Variants in AJAP1 observed in about 807,000 individuals in gnomAD.
AJAP1 encodes adherens junctions associated protein 1.
AJAP1 carries 5 observed loss-of-function variants against 35.0 expected under a neutral mutation model. That is an observed-to-expected ratio of 0.14 (90% CI 0.07 to 0.30). AJAP1 has a LOEUF of 0.30. Among genes scored for constraint, AJAP1 ranks in the 10% least tolerant of loss-of-function variants. AJAP1 has a pLI of 1.00. For missense variants in AJAP1, 586 were observed against 571.0 expected, an observed-to-expected ratio of 1.03 and a Z score of -0.27; for synonymous variants, 284 against 249.3, an observed-to-expected ratio of 1.14 and a Z score of -1.31.
chr1:4,743,071 C>G (rs144262919), intron 2 of AJAP1, among the ~76,000 whole-genome samples: 2 of 152,348 alleles, frequency 1.3e-5, no homozygotes, highest in African/African-American at 4.8e-5. Context: ...TGGGGAATGA[C>G]TTGGGGATCC....
rs772469710 is a variant in AJAP1 at position 4,655,393 on chromosome 1, C to T, written c.-33C>T. ...CGCCGCGCAGATGGCCTGGGCGAGC[C>T]AGGTCTGAGGCCCCGCTCCCCGAAA... On this transcript the variant is annotated 5_prime_UTR_variant, in exon 1 of 6. An upstream open reading frame in the 5' UTR gains an earlier in-frame stop. Coordinates refer to ENST00000378191, the MANE Select transcript of AJAP1 (RefSeq NM_018836.4). The surrounding 1 kb of genome is among the most constrained non-coding windows in gnomAD (Gnocchi z 6.9). 2 of 1,545,684 alleles carry T rather than the reference C, an allele frequency of 1.3e-6. No homozygotes were observed. The highest frequency in any genetic ancestry group is 2.3e-5 in the South Asian group (2 of 85,478).
intron 1 of AJAP1, among the ~76,000 whole-genome samples, chr1:4,694,962 G>A (rs1639824747): frequency 6.6e-6 from 1 of 152,192 alleles, no homozygotes; most frequent in Non-Finnish European, 1.5e-5. Flanking sequence ...GTCGGAGAAG[G>A]CCAGGAGTCA....
intron 2 of AJAP1, among the ~76,000 whole-genome samples, chr1:4,761,695 C>T (rs1309618111): frequency 6.6e-6 from 1 of 152,202 alleles, no homozygotes; most frequent in East Asian, 1.9e-4. Flanking sequence ...AGGCCGTCTG[C>T]AAGCTGAGGA....
chr1:4,766,006 T>C lies in AJAP1; in HGVS notation c.830-3847T>C, dbSNP rs139270598. ...GGTTCTAATCCTTCAAACTAAAAGA[T>C]TGCAGTTTGATTCCAAGCATTAACC... On this transcript the variant is annotated intron_variant, in intron 2 of 5. Coordinates refer to ENST00000378191, the MANE Select transcript of AJAP1 (RefSeq NM_018836.4). Among the ~76,000 whole-genome samples the C allele has an allele frequency of 3.0e-3, 450 of 152,300 alleles. 4 individuals are homozygous for C. The highest frequency in any genetic ancestry group is 7.9e-3 in the Admixed American group (121 of 15,290).
intron 2 of AJAP1, among the ~76,000 whole-genome samples, chr1:4,762,882 C>T (rs1389787111): frequency 6.6e-6 from 1 of 152,172 alleles, no homozygotes; most frequent in African/African-American, 2.4e-5. Context: ...GCTTGGCACC[C>T]TCTACCAAGA....
intron 2 of AJAP1, among the ~76,000 whole-genome samples, chr1:4,748,779 G>GAAAA (rs1641255545): frequency 3.4e-5 from 5 of 146,090 alleles, no homozygotes; most frequent in African/African-American, 1.3e-4. Context: ...AAAAAAGAAT[G>GAAAA]GAACCAGGGC....
At chr1:4,685,703 G>A (rs1315343011) in intron 1 of AJAP1, among the ~76,000 whole-genome samples, 2 of 152,214 alleles carry the variant, frequency 1.3e-5, no homozygotes, top group Admixed American at 6.5e-5. Context: ...GCTCCTTGGC[G>A]CCATGTTAGG....
intron 2 of AJAP1, among the ~76,000 whole-genome samples, chr1:4,759,241 T>G (rs764467198): frequency 2.0e-5 from 3 of 152,220 alleles, no homozygotes; most frequent in Non-Finnish European, 2.9e-5. Context: ...ACATCAGTCC[T>G]GCACCAGGGT....
intron 2 of AJAP1, among the ~76,000 whole-genome samples, chr1:4,740,910 G>A (rs540382059): frequency 6.6e-6 from 1 of 152,164 alleles, no homozygotes; most frequent in East Asian, 1.9e-4. Flanking sequence ...CTGCAGGGTG[G>A]GGTCCAGGTG....
chr1:4,755,964 AATGGAGGGTGATCAGAT>A (rs1454003241), intron 2 of AJAP1, among the ~76,000 whole-genome samples: 1 of 152,046 alleles, frequency 6.6e-6, no homozygotes, highest in African/African-American at 2.4e-5. Context: ...ACGGATCAGA[AATGGAGGGTGATCAGAT>A]ATGGAGGGTG....
intron 2 of AJAP1, among the ~76,000 whole-genome samples, chr1:4,759,875 C>T (rs747184442): frequency 1.3e-5 from 2 of 152,160 alleles, no homozygotes; most frequent in Admixed American, 6.5e-5. Flanking sequence ...CAGCCCCTCC[C>T]GCCAGGCTCC....
chr1:4,676,517 C>T (rs565247724), intron 1 of AJAP1, among the ~76,000 whole-genome samples: 10 of 152,232 alleles, frequency 6.6e-5, no homozygotes, highest in African/African-American at 2.2e-4. Context: ...GTGAAACCAA[C>T]GCTGCCTCAG....
At chr1:4,751,398 A>T (rs1641317903) in intron 2 of AJAP1, among the ~76,000 whole-genome samples, 1 of 152,242 alleles carries the variant, frequency 6.6e-6, no homozygotes. Context: ...GAGCTAGCAG[A>T]GAGGTCCCAG....
At chr1:4,737,843 C>T (rs76988149) in intron 2 of AJAP1, among the ~76,000 whole-genome samples, 37 of 152,134 alleles carry the variant, frequency 2.4e-4, no homozygotes, top group Non-Finnish European at 4.1e-4. Context: ...TTGAGGCTGC[C>T]GTGAACCATG....
chr1:4,668,258 G>A (rs776010380), intron 1 of AJAP1, among the ~76,000 whole-genome samples: 5 of 151,860 alleles, frequency 3.3e-5, no homozygotes, highest in Non-Finnish European at 5.9e-5. Context: ...TCCTCCTTGT[G>A]TGGGGCCAAT....
intron 1 of AJAP1, among the ~76,000 whole-genome samples, chr1:4,668,130 C>T (rs182115342): frequency 6.6e-6 from 1 of 152,074 alleles, no homozygotes; most frequent in Non-Finnish European, 1.5e-5. Context: ...AGGAGAATTG[C>T]TTGAACCTGC....
At chr1:4,732,828 A>C (rs758021659) in intron 2 of AJAP1, among the ~76,000 whole-genome samples, 1 of 152,222 alleles carries the variant, frequency 6.6e-6, no homozygotes, top group Non-Finnish European at 1.5e-5. Flanking sequence ...GAGAAGGCTT[A>C]GTAAGTTACA....
At chr1:4,730,117 A>G (rs945262764) in intron 2 of AJAP1, among the ~76,000 whole-genome samples, 2 of 152,160 alleles carry the variant, frequency 1.3e-5, no homozygotes, top group Admixed American at 6.6e-5. Context: ...ACTCTGCCGG[A>G]TATGTCGGTA....
Position 4,787,698 on chromosome 1 carries a change from A to C in AJAP1, c.*5213A>C, listed in dbSNP as rs1642181953. ...GCCCAGCCCCTCCCATGTTGGTCCC[A>C]TCTGTCAGGTTGCCAGGCCAAGCAG... On this transcript the variant is annotated 3_prime_UTR_variant, in exon 6 of 6. Coordinates refer to ENST00000378191, the MANE Select transcript of AJAP1 (RefSeq NM_018836.4). The C allele has an allele frequency of 2.2e-6, 1 of 455,994 alleles. No homozygotes were observed. Among genetic ancestry groups the C allele is most frequent in the Non-Finnish European group, 4.4e-6 (1 of 226,912 alleles). The allele number at this position is 455,994 out of a possible 1,614,324, so 28.2% of individuals were successfully genotyped here. A position where few individuals can be genotyped will look rare whatever the true frequency, so the allele number is the denominator to read the frequency against.
Sources: allele counts gnomAD v4.1 joint callset (sites outside exome capture counted in the v4.1 genomes callset), GRCh38; gene constraint gnomAD v4.1.1; non-coding constraint Gnocchi (gnomAD v3.1); transcripts MANE v1.5; gene names NCBI Gene and HGNC (gene_info 2026-07-23, HGNC 2026-07-21).